Variants in ARPP21 observed in about 807,000 individuals in gnomAD.
ARPP21 encodes the protein cAMP regulated phosphoprotein 21.
A neutral mutation model predicts 113.2 loss-of-function variants in ARPP21; 69 were observed. The observed-to-expected ratio is 0.61, with a 90% confidence interval of 0.50 to 0.74. ARPP21 has a LOEUF of 0.74. Among genes scored for constraint, ARPP21 ranks in the 30% least tolerant of loss-of-function variants. The pLI is 0.00. For missense variants in ARPP21, 1,070 were observed against 1,037.4 expected, an observed-to-expected ratio of 1.03 and a Z score of -0.43; for synonymous variants, 368 against 375.5, an observed-to-expected ratio of 0.98 and a Z score of 0.23.
At chr3:35,684,488 T>G (rs1345038897) in intron 5 of ARPP21, 1 of 984,832 alleles carries the variant, frequency 1.0e-6, no homozygotes, top group Non-Finnish European at 1.2e-6. Context: ...ATGGGAAACT[T>G]CACATCATAC....
rs1559550136 is a variant in ARPP21 at position 35,668,014 on chromosome 3, G to GAAGAAGAAGAAGAAA, written c.-212-11759_-212-11758insAAAGAAGAAGAAGAA. ...AGAAGAAGAAGAAGAAGAAGAAGAA[G>GAAGAAGAAGAAGAAA]AAGAAGAAGAAGAAGAAGGAGAAGA... On this transcript the variant is annotated intron_variant, in intron 1 of 20. Transcript: ENST00000684406. 1.7e-3 allele frequency among the ~76,000 whole-genome samples: 255 copies of GAAGAAGAAGAAGAAA among 149,842 alleles called. 7 individuals carry two copies. The highest frequency in any genetic ancestry group is 5.6e-3 in the African/African-American group (224 of 40,060).
At chr3:35,672,825 GC>G (rs1185602222) in intron 1 of ARPP21, among the ~76,000 whole-genome samples, 1 of 152,024 alleles carries the variant, frequency 6.6e-6, no homozygotes, top group Non-Finnish European at 1.5e-5. Context: ...TATAGGACAG[GC>G]AGACAGCTTG....
At chr3:35,751,927 G>C (rs2095417994) in intron 19 of ARPP21, among the ~76,000 whole-genome samples, 1 of 152,026 alleles carries the variant, frequency 6.6e-6, no homozygotes, top group Non-Finnish European at 1.5e-5. Context: ...ACAAATAAGA[G>C]GAAACAGTAT....
chr3:35,650,363 G>A (rs900275067), intron 1 of ARPP21: 1 of 152,038 alleles, frequency 6.6e-6, no homozygotes, highest in Non-Finnish European at 1.5e-5. Flanking sequence ...AAATACTTGG[G>A]AAAACTTGAT....
chr3:35,695,372 C>T (rs2083570122), intron 9 of ARPP21, among the ~76,000 whole-genome samples: 1 of 151,544 alleles, frequency 6.6e-6, no homozygotes, highest in South Asian at 2.1e-4. Flanking sequence ...AACTACAACT[C>T]ACCAACAACA....
intron 1 of ARPP21, among the ~76,000 whole-genome samples, chr3:35,646,587 T>C (rs1700320755): frequency 6.6e-6 from 1 of 152,108 alleles, no homozygotes; most frequent in Non-Finnish European, 1.5e-5. Context: ...CTTTATTTTC[T>C]TTGTTTAAAG....
intron 3 of ARPP21, 42 bp downstream of exon 3, chr3:35,681,922 T>C (rs759924008): frequency 2.5e-5 from 40 of 1,578,598 alleles, no homozygotes; most frequent in Non-Finnish European, 3.4e-5. Flanking sequence ...TACAACTGTG[T>C]GCAGCTCCCT....
In ARPP21 at chr3:35,688,880, A is replaced by T. The variant is rs374890262; in HGVS notation, c.407-427A>T. Among the ~76,000 whole-genome samples the T allele has an allele frequency of 8.2e-4, 120 of 146,828 alleles. 2 individuals are homozygous for T. In the South Asian group the frequency reaches 0.023, roughly 28 times the overall value. On this transcript the variant is annotated intron_variant, in intron 6 of 20. Transcript: ENST00000684406. Reference sequence around the variant, plus strand: ...TAGATAGTCTCATAACAGAACATTCATTTTTTTTTTTTTGCCTTCTTTGTT... The same window carrying T: ...TAGATAGTCTCATAACAGAACATTCTTTTTTTTTTTTTTGCCTTCTTTGTT...
At position 35,687,789 on chromosome 3, in the gene ARPP21, T is replaced by C; in HGVS notation, c.312T>C (p.Asp104=). ...GTTTTTCCAGCCTGCAAGAGGAGGA[T>C]AAATCTAGGAAAGATGACTCTGAAA... ...LSSFSSLQEE[D]KSRKDDSERE... is the part of the protein sequence containing the mutation. The change falls in exon 6 of 21, where the codon GAT becomes GAC. Residue 104 remains aspartate (D), a synonymous_variant. Transcript: ENST00000684406. 1.2e-6 allele frequency: 2 copies of C among 1,606,466 alleles called. No homozygotes were observed. The highest frequency in any genetic ancestry group is 1.7e-6 in the Non-Finnish European group (2 of 1,176,418).
intron 1 of ARPP21, among the ~76,000 whole-genome samples, chr3:35,660,588 CAG>C (rs1296190057): frequency 6.6e-6 from 1 of 152,184 alleles, no homozygotes; most frequent in Non-Finnish European, 1.5e-5. Context: ...CAAGGAAAGA[CAG>C]AGGAAAGTTG....
intron 1 of ARPP21, among the ~76,000 whole-genome samples, chr3:35,662,467 C>T (rs560857862): frequency 1.3e-5 from 2 of 152,180 alleles, no homozygotes; most frequent in South Asian, 4.1e-4. Context: ...AGGATGTTTA[C>T]TAAGGAGAGT....
intron 19 of ARPP21, among the ~76,000 whole-genome samples, chr3:35,773,489 C>T (rs951381512): frequency 2.0e-5 from 3 of 152,150 alleles, no homozygotes; most frequent in Non-Finnish European, 2.9e-5. Context: ...ATTGTATTTA[C>T]TTCCTCCCTC....
At chr3:35,642,493 T>A (rs1698456689) in intron 1 of ARPP21, 2 of 152,150 alleles carry the variant, frequency 1.3e-5, no homozygotes, top group African/African-American at 4.8e-5. Context: ...GTTAGAGAAT[T>A]ATACATGAAT....
At chr3:35,707,398 A>C (rs1442418823) in intron 10 of ARPP21, 3 of 531,908 alleles carry the variant, frequency 5.6e-6, no homozygotes, top group Non-Finnish European at 1.1e-5. Flanking sequence ...AAGCTTTGTC[A>C]GTCGCATATC....
Position 35,721,658 on chromosome 3 carries a change from A to G in ARPP21, c.1049A>G (p.Glu350Gly). The change falls in exon 14 of 21, where the codon GAA (glutamate) becomes GGA (glycine). Residue 350 changes from glutamate to glycine, a missense_variant. By Grantham distance (98) the Glu-to-Gly change is moderately conservative (BLOSUM62 -2). Transcript: ENST00000684406. ...RTSGSRQSSS[E>G]NELKWSDHQR... The stretch of plus-strand genomic sequence containing the variant: ...TCTGGGAGTCGACAGAGCAGCTCAG[A>G]AAATGAACTCAAGTGGTCTGACCAC... 6.2e-7 allele frequency: 1 copy of G among 1,614,002 alleles called. No individual in the cohort carries two copies. Among genetic ancestry groups the G allele is most frequent in the Non-Finnish European group, 8.5e-7 (1 of 1,179,930 alleles).
At chr3:35,654,015 C>T (rs923505898) in intron 1 of ARPP21, among the ~76,000 whole-genome samples, 6 of 151,888 alleles carry the variant, frequency 4.0e-5, no homozygotes, top group Admixed American at 6.6e-5. Flanking sequence ...AAAAATACTA[C>T]GGCATATCTA....
At chr3:35,762,867 C>T (rs766975396) in intron 19 of ARPP21, among the ~76,000 whole-genome samples, 4 of 152,044 alleles carry the variant, frequency 2.6e-5, no homozygotes, top group East Asian at 3.9e-4. Context: ...CTGTAAGACA[C>T]GATCACACTC....
chr3:35,764,045 G>A (rs556740881), intron 19 of ARPP21, among the ~76,000 whole-genome samples: 13 of 151,840 alleles, frequency 8.6e-5, no homozygotes, highest in African/African-American at 2.9e-4. Context: ...TTTTCAGAGA[G>A]GATTGAATTG....
At chr3:35,656,908 A>T (rs1384992593) in intron 1 of ARPP21, among the ~76,000 whole-genome samples, 1 of 152,126 alleles carries the variant, frequency 6.6e-6, no homozygotes, top group Non-Finnish European at 1.5e-5. Context: ...ATCAATTTAT[A>T]TAAATAAAAT....
Sources: gnomAD v4.1 joint callset for allele counts (sites outside exome capture counted in the v4.1 genomes callset) on GRCh38, gnomAD v4.1.1 for gene constraint, MANE v1.5 for transcripts, NCBI Gene and HGNC (gene_info 2026-07-23, HGNC 2026-07-21) for gene names.